KIF24: variants seen among roughly 807,000 people sequenced by gnomAD.
KIF24 encodes kinesin-like protein KIF24.
In KIF24, 81 loss-of-function variants were observed where a neutral mutation model predicts 118.9. The ratio of observed to expected loss-of-function variants is 0.68; its 90% CI spans 0.57 to 0.82. The LOEUF is 0.82. KIF24 is among the 40% of genes least tolerant of loss of function. The pLI, the probability that KIF24 is intolerant of heterozygous loss-of-function variation, is 0.00. For missense variants in KIF24, 1,560 were observed against 1,661.6 expected (o/e 0.94, Z 1.06); for synonymous variants, 599 against 610.0 (o/e 0.98, Z 0.27).
In KIF24 at chr9:34,310,997, T is replaced by C; in HGVS notation, c.350A>G (p.Glu117Gly). 1 of 1,614,016 alleles carries C rather than the reference T, an allele frequency of 6.2e-7. No homozygotes were observed. Among genetic ancestry groups the C allele is most frequent in the South Asian group, 1.1e-5 (1 of 91,078 alleles). The change falls in exon 2 of 13, where the codon GAA becomes GGA. Residue 117 changes from glutamate (E) to glycine (G), a missense_variant. Coordinates refer to ENST00000402558, the MANE Select transcript of KIF24 (RefSeq NM_194313.4). ...AGAGAAATCTGATAAACTGCACATT[T>C]CAAACCCATCATTGCTGGCATTTCT... ...KDRNASNDGF[E>G]MCSLSDFSAN...
chr9:34,261,649 TTCTGCA>T (rs993295912), intron 9 of KIF24, among the ~76,000 whole-genome samples: 26 of 152,360 alleles, frequency 1.7e-4, no homozygotes, highest in African/African-American at 5.8e-4. Flanking sequence ...ATGCTGTTTC[TTCTGCA>T]TCTTTTTAAA....
intron 6 of KIF24, among the ~76,000 whole-genome samples, chr9:34,280,223 G>T (rs1835798848): frequency 7.0e-6 from 1 of 142,086 alleles, no homozygotes. Flanking sequence ...GGCGGAGCTT[G>T]CAGTGAGCCA....
intron 1 of KIF24, among the ~76,000 whole-genome samples, chr9:34,320,317 A>G (rs79061435): frequency 0.15 from 21,698 of 148,358 alleles, 1,917 homozygotes; most frequent in South Asian, 0.3. Context: ...TTTTCTTTTC[A>G]ATAAAATGTT....
chr9:34,320,658 CAAAAAA>C lies in KIF24; in HGVS notation c.-26+8442_-26+8447del, dbSNP rs68048466. Reference sequence around the variant, plus strand: ...GGGTGACAAGAATCAAACTCCTTCTCAAAAAAAAAAAAAAAAAAAAAAAGGAAAAAA... The same window carrying C: ...GGGTGACAAGAATCAAACTCCTTCTCAAAAAAAAAAAAAAAAAGGAAAAAA... On this transcript the variant is annotated intron_variant, in intron 1 of 12. Transcript: ENST00000402558. Among the ~76,000 whole-genome samples the C allele has an allele frequency of 2.2e-3, 120 of 54,434 alleles. 2 individuals are homozygous for C. The Middle Eastern group carries it at 0.039, about 18-fold the overall frequency. 35.7% of individuals were successfully genotyped at this position (54,434 alleles called of 152,430 possible).
At chr9:34,327,678 G>A (rs1015635818) in intron 1 of KIF24, among the ~76,000 whole-genome samples, 3 of 151,970 alleles carry the variant, frequency 2.0e-5, no homozygotes, top group African/African-American at 7.3e-5. Context: ...CTTGACTTGA[G>A]AGTAGAGCCA....
At chr9:34,330,413 A>G (rs572822527), upstream of KIF24, among the ~76,000 whole-genome samples, 4 of 152,320 alleles carry the variant, frequency 2.6e-5, no homozygotes, top group African/African-American at 9.6e-5. Flanking sequence ...TCAAAAACAA[A>G]ACAAAACAAA....
intron 8 of KIF24, among the ~76,000 whole-genome samples, chr9:34,266,433 C>T (rs772805865): frequency 2.6e-5 from 4 of 152,022 alleles, no homozygotes; most frequent in African/African-American, 4.8e-5. Context: ...AATCCCAGCA[C>T]TTTGGAAGGC....
At chr9:34,306,554 G>T (rs1222191457) in intron 2 of KIF24, 113 bp from the exon 3 acceptor site, 2 of 670,926 alleles carry the variant, frequency 3.0e-6, no homozygotes, top group Admixed American at 5.4e-5. Flanking sequence ...TGTAATCCCA[G>T]CACTTTGAGA....
In KIF24 at chr9:34,256,067, C is replaced by T. The variant is rs770302481; in HGVS notation, c.3540G>A (p.Gly1180=). 6 of 1,613,880 alleles carry T rather than the reference C, an allele frequency of 3.7e-6. No individual in the cohort carries two copies. Among genetic ancestry groups the T allele is most frequent in the Admixed American group, 3.3e-5 (2 of 60,010 alleles). The change falls in exon 11 of 13, where the codon GGG becomes GGA. Residue 1180 remains glycine (G), a synonymous_variant. Transcript: ENST00000402558. ...EQYDADAEET[G]LDGSWGFPGK... Reference sequence around the variant, plus strand: ...CTGGGAAACCCCAGGAGCCATCCAGCCCCGTCTCCTCTGCATCAGCATCAT... The same window carrying T: ...CTGGGAAACCCCAGGAGCCATCCAGTCCCGTCTCCTCTGCATCAGCATCAT...
Position 34,293,511 on chromosome 9 carries a change from A to G in KIF24, c.912-3122T>C, listed in dbSNP as rs370044902. ...AAAAAAAGGCCGGACGCGGTGGCTCAGGCCTGTAATCCCAGCACTTTGGGA... is the reference window on the plus strand; with the variant it reads ...AAAAAAAGGCCGGACGCGGTGGCTCGGGCCTGTAATCCCAGCACTTTGGGA... On this transcript the variant is annotated intron_variant, in intron 4 of 12. Coordinates refer to ENST00000402558, the MANE Select transcript of KIF24 (RefSeq NM_194313.4). Among the ~76,000 whole-genome samples the G allele has an allele frequency of 1.4e-4, 21 of 148,446 alleles. No individual in the cohort carries two copies. In the East Asian group the frequency reaches 3.8e-3, roughly 27 times the overall value.
At chr9:34,312,567 A>G (rs570263456) in intron 1 of KIF24, among the ~76,000 whole-genome samples, 2 of 152,240 alleles carry the variant, frequency 1.3e-5, no homozygotes, top group African/African-American at 4.8e-5. Flanking sequence ...GAAACAGAGA[A>G]AGAGGTGAGG....
chr9:34,295,449 G>A (rs1836430663), intron 4 of KIF24, among the ~76,000 whole-genome samples: 1 of 152,154 alleles, frequency 6.6e-6, no homozygotes, highest in Admixed American at 6.5e-5. Context: ...GACTGAAGCA[G>A]GAGGATTGCT....
rs1414597262 is a variant in KIF24 at position 34,310,960 on chromosome 9, C to G, written c.387G>C (p.Gln129His). 6.2e-7 allele frequency: 1 copy of G among 1,613,956 alleles called. No homozygotes were observed. Among genetic ancestry groups the G allele is most frequent in the South Asian group, 1.1e-5 (1 of 91,074 alleles). Residue 129 changes from glutamine to histidine, a missense_variant, in exon 2 of 13, where the codon CAG becomes CAC. Physicochemically the swap from Gln to His is conservative, Grantham distance 24 (BLOSUM62 0). Around this residue, in one of 3 missense-constraint regions of KIF24, gnomAD observed 964 missense variants for 988.0 expected, o/e 0.98. Transcript: ENST00000402558. The stretch of plus-strand genomic sequence containing the variant: ...CTAGCACTTTTAGGTAAGTGGACTT[C>G]TGTTCATTTGCAGAGAAATCTGATA... ...CSLSDFSANE[Q>H]KSTYLKVLEH...
At chr9:34,331,673 A>T (rs1250275103), upstream of KIF24, among the ~76,000 whole-genome samples, 1 of 152,216 alleles carries the variant, frequency 6.6e-6, no homozygotes, top group Non-Finnish European at 1.5e-5. Flanking sequence ...GAGGAGAAAA[A>T]AATTGTTTTA....
At chr9:34,306,802 A>T (rs76907337) in intron 2 of KIF24, among the ~76,000 whole-genome samples, 2 of 141,784 alleles carry the variant, frequency 1.4e-5, no homozygotes, top group Non-Finnish European at 3.1e-5. Flanking sequence ...ATTCTGTCTC[A>T]AAAAAAAAAA....
At chr9:34,277,534 C>A (rs1395456480) in intron 6 of KIF24, among the ~76,000 whole-genome samples, 2 of 152,040 alleles carry the variant, frequency 1.3e-5, no homozygotes, top group Non-Finnish European at 2.9e-5. Context: ...TCAAGAGTGT[C>A]AAAAAAGATT....
At chr9:34,324,597 G>A (rs1447476876) in intron 1 of KIF24, among the ~76,000 whole-genome samples, 2 of 152,148 alleles carry the variant, frequency 1.3e-5, no homozygotes, top group Non-Finnish European at 2.9e-5. Context: ...AGACTGTAGA[G>A]CCAGATCACT....
At chr9:34,268,797 C>T (rs754024464) in intron 8 of KIF24, among the ~76,000 whole-genome samples, 1 of 152,124 alleles carries the variant, frequency 6.6e-6, no homozygotes, top group Non-Finnish European at 1.5e-5. Flanking sequence ...CGTGAGCCAC[C>T]GCTCCCAGCT....
chr9:34,323,845 CT>C (rs1230790637), intron 1 of KIF24, among the ~76,000 whole-genome samples: 3 of 152,130 alleles, frequency 2.0e-5, no homozygotes, highest in Non-Finnish European at 4.4e-5. Context: ...TCTTCCAAGA[CT>C]TTTTGTGATA....
Sources: allele counts gnomAD v4.1 joint callset (sites outside exome capture counted in the v4.1 genomes callset), GRCh38; gene constraint gnomAD v4.1.1; regional missense constraint gnomAD v4.1.1; transcripts MANE v1.5; gene names NCBI Gene and HGNC (gene_info 2026-07-23, HGNC 2026-07-21).